TMEM244: variants seen among roughly 807,000 people sequenced by gnomAD.
TMEM244 encodes the protein putative transmembrane protein 244.
TMEM244 carries 13 observed loss-of-function variants against 15.8 expected under a neutral mutation model. The observed-to-expected ratio is 0.82, with a 90% CI of 0.53 to 1.30. The LOEUF is 1.30. Ranked by LOEUF, TMEM244 falls within the 50% of genes most tolerant of loss-of-function variation. The pLI is 0.00. For missense variants in TMEM244, 161 were observed against 144.9 expected (o/e 1.11, Z -0.57); for synonymous variants, 45 against 48.7 (o/e 0.92, Z 0.32).
chr6:129,858,192 ATATT>A (rs1459655933), intron 1 of TMEM244, among the ~76,000 whole-genome samples: 2 of 152,188 alleles, frequency 1.3e-5, no homozygotes, highest in African/African-American at 2.4e-5. Flanking sequence ...TTTTTGTACT[ATATT>A]TATATGGTTT....
chr6:129,853,818 C>T (rs1776667879), intron 1 of TMEM244, among the ~76,000 whole-genome samples: 1 of 152,162 alleles, frequency 6.6e-6, no homozygotes, highest in African/African-American at 2.4e-5. Context: ...AGCATGTGCA[C>T]GTGGCATCCC....
In TMEM244 at chr6:129,847,460, G is replaced by A. The variant is rs1278824905; in HGVS notation, c.34-1608C>T. Among the ~76,000 whole-genome samples the A allele has an allele frequency of 3.3e-5, 5 of 152,194 alleles. No homozygotes were observed. The East Asian group carries it at 9.6e-4, about 29-fold the overall frequency. On this transcript the variant is annotated intron_variant, in intron 1 of 4. Transcript: ENST00000368143. ...CAGCTAGAGGCAAGAGGAGAAGGTA[G>A]TTAGCAGAGAGTATACCACAACGAA...
At chr6:129,832,092 A>C (rs1584178051) in intron 4 of TMEM244, among the ~76,000 whole-genome samples, 1 of 117,876 alleles carries the variant, frequency 8.5e-6, no homozygotes, top group African/African-American at 3.0e-5. Context: ...GACAGATTGT[A>C]CTTTTTTTTT....
chr6:129,833,529 C>A lies in TMEM244; in HGVS notation c.250G>T (p.Val84Phe), dbSNP rs148503789. The change falls in exon 4 of 5, where the codon GTT becomes TTT. Residue 84 changes from valine to phenylalanine, a missense_variant. Val to Phe is a conservative substitution (Grantham distance 50, BLOSUM62 -1). Coordinates refer to ENST00000368143, the MANE Select transcript of TMEM244 (RefSeq NM_001010876.2). ...YFVCGLFFVP[V>F]VEEWVWDYAI... ...TAATCCCAAACCCATTCTTCCACAACTGGAACAAAAAACAATCCACAAACA... is the reference window on the plus strand; with the variant it reads ...TAATCCCAAACCCATTCTTCCACAAATGGAACAAAAAACAATCCACAAACA... The A allele has an allele frequency of 2.6e-4, 414 of 1,613,202 alleles. 1 individual carries two copies. Among genetic ancestry groups the A allele is most frequent in the Non-Finnish European group, 3.3e-4 (388 of 1,179,602 alleles).
intron 1 of TMEM244, among the ~76,000 whole-genome samples, chr6:129,850,016 G>A (rs1177670527): frequency 6.6e-6 from 1 of 152,200 alleles, no homozygotes; most frequent in African/African-American, 2.4e-5. Flanking sequence ...AAACTTCTGA[G>A]TGGTAGAATC....
At chr6:129,849,651 T>C (rs1776609313) in intron 1 of TMEM244, among the ~76,000 whole-genome samples, 1 of 152,142 alleles carries the variant, frequency 6.6e-6, no homozygotes, top group African/African-American at 2.4e-5. Context: ...GTGTTTCTGA[T>C]TTGGTAATTC....
intron 1 of TMEM244, among the ~76,000 whole-genome samples, chr6:129,853,615 C>G (rs562252886): frequency 6.6e-6 from 1 of 151,974 alleles, no homozygotes; most frequent in Non-Finnish European, 1.5e-5. Context: ...CTTTTTTGAT[C>G]AAAATATTTT....
At chr6:129,832,654 C>T (rs1030796238) in intron 4 of TMEM244, among the ~76,000 whole-genome samples, 7 of 152,090 alleles carry the variant, frequency 4.6e-5, no homozygotes, top group Admixed American at 3.3e-4. Context: ...AGACACATGT[C>T]GGACAATTTC....
intron 3 of TMEM244, among the ~76,000 whole-genome samples, chr6:129,842,031 T>A (rs1431356810): frequency 6.6e-6 from 1 of 152,190 alleles, no homozygotes; most frequent in Non-Finnish European, 1.5e-5. Context: ...ATGTTTGTGT[T>A]TCATGAGAGG....
intron 2 of TMEM244, among the ~76,000 whole-genome samples, chr6:129,845,081 C>T (rs1009335438): frequency 6.6e-6 from 1 of 152,048 alleles, no homozygotes; most frequent in Non-Finnish European, 1.5e-5. Context: ...AAAAATGATA[C>T]CATTAAAATA....
chr6:129,856,285 C>T (rs1332078414), intron 1 of TMEM244, among the ~76,000 whole-genome samples: 1 of 152,052 alleles, frequency 6.6e-6, no homozygotes, highest in Non-Finnish European at 1.5e-5. Flanking sequence ...CTGTCTTTTT[C>T]ATTACTACAT....
chr6:129,844,537 T>C (rs1015214801), intron 2 of TMEM244, among the ~76,000 whole-genome samples: 2 of 152,226 alleles, frequency 1.3e-5, no homozygotes, highest in Admixed American at 6.5e-5. Context: ...AGCATACAGC[T>C]GGACTTTATA....
rs900207305 is a variant in TMEM244, at chr6:129,849,227, A to G, written c.34-3375T>C. On this transcript the variant is annotated intron_variant, in intron 1 of 4. Coordinates refer to ENST00000368143, the MANE Select transcript of TMEM244 (RefSeq NM_001010876.2). ...TATCAAAATAATATATTTAAAAATC[A>G]TTTGTAGGAAATATTTGGAAAAGCA... is the stretch of plus-strand genomic sequence containing the variant. Among the ~76,000 whole-genome samples the G allele has an allele frequency of 3.9e-5, 6 of 152,278 alleles. No homozygotes were observed. In the East Asian group the frequency reaches 7.7e-4, roughly 20 times the overall value.
intron 3 of TMEM244, 136 bp from the exon 4 acceptor site, chr6:129,833,721 A>G (rs376309536): frequency 2.7e-5 from 23 of 841,960 alleles, no homozygotes; most frequent in East Asian, 5.3e-5. Context: ...CCATTTCCTA[A>G]CAATCCTCAA....
chr6:129,838,567 A>T (rs1313690751), intron 3 of TMEM244, among the ~76,000 whole-genome samples: 1 of 152,212 alleles, frequency 6.6e-6, no homozygotes, highest in East Asian at 1.9e-4. Flanking sequence ...GCAGAAGGCA[A>T]GAAATAACCA....
At chr6:129,832,446 G>A (rs531536602) in intron 4 of TMEM244, among the ~76,000 whole-genome samples, 1 of 152,032 alleles carries the variant, frequency 6.6e-6, no homozygotes, top group Non-Finnish European at 1.5e-5. Flanking sequence ...ATATGACAGT[G>A]ATTTATATGA....
chr6:129,860,694 T>C (rs1468126159), intron 1 of TMEM244, among the ~76,000 whole-genome samples: 1 of 151,984 alleles, frequency 6.6e-6, no homozygotes, highest in Non-Finnish European at 1.5e-5. Flanking sequence ...AACACAACTA[T>C]TAACACTAGC....
chr6:129,831,524 A>T, intron 4 of TMEM244, 138 bp from the exon 5 acceptor site: 1 of 644,640 alleles, frequency 1.6e-6, no homozygotes, highest in Non-Finnish European at 2.8e-6. Flanking sequence ...GGTAGCCCCA[A>T]GTTGTACTTC....
chr6:129,850,363 G>A (rs562227896), intron 1 of TMEM244, among the ~76,000 whole-genome samples: 27 of 152,254 alleles, frequency 1.8e-4, no homozygotes, highest in Middle Eastern at 3.4e-3. Context: ...GACTAGAGAG[G>A]GGCCATTAGG....
Sources: allele counts gnomAD v4.1 joint callset (sites outside exome capture counted in the v4.1 genomes callset), GRCh38; gene constraint gnomAD v4.1.1; transcripts MANE v1.5; gene names NCBI Gene and HGNC (gene_info 2026-07-23, HGNC 2026-07-21).